CCDC177: variants seen among roughly 807,000 people sequenced by gnomAD.
The protein encoded by CCDC177 is coiled-coil domain containing 177.
Under a neutral mutation model 7.3 loss-of-function variants are expected in CCDC177, and 2 were observed. The ratio of observed to expected loss-of-function variants is 0.28; its 90% CI spans 0.11 to 0.87. The LOEUF (loss-of-function observed/expected upper bound fraction) is 0.87, where lower values mean the gene tolerates loss of function less well. Among genes scored for constraint, CCDC177 ranks in the 40% least tolerant of loss-of-function variants. The pLI is 0.61. For missense variants in CCDC177, 874 were observed against 970.5 expected (o/e 0.90, Z 1.32); for synonymous variants, 401 against 449.2 (o/e 0.89, Z 1.36).
At position 69,573,605 on chromosome 14, in the gene CCDC177, AGGCACT is replaced by A. The variant is rs1241113897; in HGVS notation, c.12_17del (p.Val5_Pro6del). 12 of 1,231,774 alleles carry A rather than the reference AGGCACT, an allele frequency of 9.7e-6. No individual in the cohort carries two copies. The highest frequency in any genetic ancestry group is 4.1e-5 in the South Asian group (1 of 24,312). The allele number at this position is 1,231,774 out of a possible 1,614,324, so 76.3% of individuals were successfully genotyped here. On this transcript the variant is annotated inframe_deletion, in exon 2 of 2. Transcript: ENST00000599174. ...GTTCCGCTCCTGCCTTCTCTTCTTCAGGCACTGGGTCCACCATGGCTGAGCCCCGTC... is the reference window on the plus strand; with the variant it reads ...GTTCCGCTCCTGCCTTCTCTTCTTCAGGGTCCACCATGGCTGAGCCCCGTC...
At position 69,573,374 on chromosome 14, in the gene CCDC177, C is replaced by G. The variant is rs1453607694; in HGVS notation, c.249G>C (p.Glu83Asp). The change falls in exon 2 of 2, where the codon GAG becomes GAC. Residue 83 changes from glutamate (E) to aspartate (D), a missense_variant. Physicochemically the swap from Glu to Asp is conservative, Grantham distance 45. Transcript: ENST00000599174. ...TCAGCACGTAGCGGCTGCCCTCCGC[C>G]TCTGGGCAGTCGAAGTTGAAGAGGT... ...HLDLFNFDCPEAEGSRYVLTS... is the reference protein window; with the variant it reads ...HLDLFNFDCPDAEGSRYVLTS... The G allele has an allele frequency of 2.0e-5, 25 of 1,231,278 alleles. No individual in the cohort carries two copies. The highest frequency in any genetic ancestry group is 1.3e-4 in the Admixed American group (3 of 23,694). 76.3% of individuals were successfully genotyped at this position (1,231,278 alleles called of 1,614,324 possible). A position where few individuals can be genotyped will look rare whatever the true frequency, so the allele number is the denominator to read the frequency against.
intron 1 of CCDC177, 89 bp from the exon 2 acceptor site, chr14:69,573,739 GCTTT>G: frequency 2.6e-6 from 3 of 1,135,400 alleles, no homozygotes; most frequent in Non-Finnish European, 3.3e-6. Flanking sequence ...AACTTAATCC[GCTTT>G]CGGATTAGGC....
In CCDC177 at chr14:69,572,446, G is replaced by A. The variant is rs1332448329; in HGVS notation, c.1177C>T (p.Arg393Ter). The A allele has an allele frequency of 5.7e-6, 7 of 1,229,200 alleles. No homozygotes were observed. Among genetic ancestry groups the A allele is most frequent in the Non-Finnish European group, 7.1e-6 (7 of 986,386 alleles). 76.1% of individuals were successfully genotyped at this position (1,229,200 alleles called of 1,614,324 possible). A position where few individuals can be genotyped will look rare whatever the true frequency, so the allele number is the denominator to read the frequency against. ...EKQRALEQGR[R>*]AWAAQVEERR... is the part of the protein sequence containing the mutation. ...TCCTCCACCTGCGCGGCCCAGGCTC[G>A]GCGGCCCTGCTCTAGGGCGCGCTGC... The change falls in exon 2 of 2, where the codon CGA becomes TGA. Residue 393 changes from arginine (R) to a stop codon, truncating the protein, a stop_gained. Coordinates refer to ENST00000599174, the MANE Select transcript of CCDC177 (RefSeq NM_001271507.2). LOFTEE classifies it low-confidence loss of function (END_TRUNC).
In CCDC177 at chr14:69,573,584, C is replaced by G; in HGVS notation, c.39G>C (p.Ala13=). The change falls in exon 2 of 2, where the codon GCG becomes GCC. Residue 13 remains alanine, a synonymous_variant. Transcript: ENST00000599174. The part of the protein sequence containing the change: ...DPVPEEEKAG[A]EPGDSGGDEA... ...CGTCCCCTCCAGAGTCGCCGGGTTC[C>G]GCTCCTGCCTTCTCTTCTTCAGGCA... 8.1e-7 allele frequency: 1 copy of G among 1,231,836 alleles called. No homozygotes were observed. The highest frequency in any genetic ancestry group is 1.0e-6 in the Non-Finnish European group (1 of 988,026). 76.3% of individuals were successfully genotyped at this position (1,231,836 alleles called of 1,614,324 possible).
Position 69,572,812 on chromosome 14 carries a change from C to T in CCDC177, c.811G>A (p.Ala271Thr). Reference sequence around the variant, plus strand: ...GACCCCGCTGGGCAGCTGTTCCTGGCCGAGGCCCGAGGCGGCCAGCGCAGC... The same window carrying T: ...GACCCCGCTGGGCAGCTGTTCCTGGTCGAGGCCCGAGGCGGCCAGCGCAGC... The part of the protein sequence containing the change: ...RELRWPPRAS[A>T]RNSCPAGSAS... Residue 271 changes from alanine (A) to threonine (T), a missense_variant, in exon 2 of 2, where the codon GCC (alanine) becomes ACC (threonine). Physicochemically the swap from Ala to Thr is moderately conservative, Grantham distance 58. Transcript: ENST00000599174. 1 of 1,231,220 alleles carries T rather than the reference C, an allele frequency of 8.1e-7. No homozygotes were observed. Among genetic ancestry groups the T allele is most frequent in the Non-Finnish European group, 1.0e-6 (1 of 987,684 alleles). 76.3% of individuals were successfully genotyped at this position (1,231,220 alleles called of 1,614,324 possible).
chr14:69,571,403 C>T lies in CCDC177; in HGVS notation c.*96G>A, dbSNP rs1025555233. 4 of 875,342 alleles carry T rather than the reference C, an allele frequency of 4.6e-6. No individual in the cohort carries two copies. The highest frequency in any genetic ancestry group is 6.2e-6 in the Non-Finnish European group (4 of 645,298). The allele number at this position is 875,342 out of a possible 1,614,324, so 54.2% of individuals were successfully genotyped here. Reference sequence around the variant, plus strand: ...TTGGTCAGAAGCCTCGAGAGGCCACCGCGCTGCGCACCGAGCGGGGACTCC... The same window carrying T: ...TTGGTCAGAAGCCTCGAGAGGCCACTGCGCTGCGCACCGAGCGGGGACTCC... On this transcript the variant is annotated 3_prime_UTR_variant, in exon 2 of 2. Transcript: ENST00000599174.
Position 69,571,707 on chromosome 14 carries a change from C to T in CCDC177, c.1916G>A (p.Arg639His). Reference protein sequence around the residue: ...KEKVERDEDCRRRELLQAIGR... With the variant: ...KEKVERDEDCHRRELLQAIGR... ...GATGGCCTGGAGTAGCTCTCGCCGGCGGCAGTCTTCGTCCCTCTCCACCTT... is the reference window on the plus strand; with the variant it reads ...GATGGCCTGGAGTAGCTCTCGCCGGTGGCAGTCTTCGTCCCTCTCCACCTT... Residue 639 changes from arginine to histidine, a missense_variant, in exon 2 of 2, where the codon CGC (arginine) becomes CAC (histidine). Coordinates refer to ENST00000599174, the MANE Select transcript of CCDC177 (RefSeq NM_001271507.2). The T allele has an allele frequency of 2.4e-6, 3 of 1,231,778 alleles. No homozygotes were observed. Among genetic ancestry groups the T allele is most frequent in the South Asian group, 8.2e-5 (2 of 24,324 alleles). The allele number at this position is 1,231,778 out of a possible 1,614,324, so 76.3% of individuals were successfully genotyped here. A position where few individuals can be genotyped will look rare whatever the true frequency, so the allele number is the denominator to read the frequency against.
chr14:69,572,923 C>T lies in CCDC177; in HGVS notation c.700G>A (p.Asp234Asn). 1 of 1,231,424 alleles carries T rather than the reference C, an allele frequency of 8.1e-7. No individual in the cohort carries two copies. Among genetic ancestry groups the T allele is most frequent in the African/African-American group, 1.5e-5 (1 of 64,528 alleles). 76.3% of individuals were successfully genotyped at this position (1,231,424 alleles called of 1,614,324 possible). ...CCCTCACGCCGGCGGGACAGTGAGTCCAGCGAATGGCTCTTCCTGCCTGTT... is the reference window on the plus strand; with the variant it reads ...CCCTCACGCCGGCGGGACAGTGAGTTCAGCGAATGGCTCTTCCTGCCTGTT... ...SRTGRKSHSL[D>N]SLSRRREGAL... The change falls in exon 2 of 2, where the codon GAC becomes AAC. Residue 234 changes from aspartate (D) to asparagine (N), a missense_variant. Physicochemically the swap from Asp to Asn is conservative, Grantham distance 23. Coordinates refer to ENST00000599174, the MANE Select transcript of CCDC177 (RefSeq NM_001271507.2).
In CCDC177 at chr14:69,573,416, G is replaced by T; in HGVS notation, c.207C>A (p.Ser69=). Residue 69 remains serine (S), a synonymous_variant, in exon 2 of 2, where the codon TCC becomes TCA. Coordinates refer to ENST00000599174, the MANE Select transcript of CCDC177 (RefSeq NM_001271507.2). ...AAAEGGRREQ[S]PLLHLDLFNF... The stretch of plus-strand genomic sequence containing the variant: ...TGAAGAGGTCGAGGTGCAGCAGCGG[G>T]GACTGCTCCCGCCGCCCGCCTTCTG... 8.1e-7 allele frequency: 1 copy of T among 1,231,420 alleles called. No homozygotes were observed. Among genetic ancestry groups the T allele is most frequent in the Non-Finnish European group, 1.0e-6 (1 of 987,786 alleles). The allele number at this position is 1,231,420 out of a possible 1,614,324, so 76.3% of individuals were successfully genotyped here. A position where few individuals can be genotyped will look rare whatever the true frequency, so the allele number is the denominator to read the frequency against.
rs956731332 is a variant in CCDC177 at position 69,572,728 on chromosome 14, T to C, written c.895A>G (p.Thr299Ala). Reference sequence around the variant, plus strand: ...TCGCCGAGGCTGAAGCTGCGGCCGGTGATCGGAACCAGGGTCAGGGCAGAC... The same window carrying C: ...TCGCCGAGGCTGAAGCTGCGGCCGGCGATCGGAACCAGGGTCAGGGCAGAC... ...RPSALTLVPI[T>A]GRSFSLGDLS... Residue 299 changes from threonine to alanine, a missense_variant, in exon 2 of 2, where the codon ACC (threonine) becomes GCC (alanine). Transcript: ENST00000599174. 3.2e-6 allele frequency: 4 copies of C among 1,231,336 alleles called. No homozygotes were observed. The highest frequency in any genetic ancestry group is 3.1e-5 in the African/African-American group (2 of 64,384). The allele number at this position is 1,231,336 out of a possible 1,614,324, so 76.3% of individuals were successfully genotyped here.
Position 69,572,316 on chromosome 14 carries a change from C to T in CCDC177, c.1307G>A (p.Gly436Asp). Residue 436 changes from glycine (G) to aspartate (D), a missense_variant, in exon 2 of 2, where the codon GGC becomes GAC. By Grantham distance (94) the Gly-to-Asp change is moderately conservative. Transcript: ENST00000599174. ...CTCCGCCCGCTCCCGCCGCAGGAGG[C>T]CCTGGCGTTCGGCCAGCTCCCGCCG... is the stretch of plus-strand genomic sequence containing the variant. Reference protein sequence around the residue: ...ERRRELAERQGLLRRERAERA... With the variant: ...ERRRELAERQDLLRRERAERA... 8.1e-7 allele frequency: 1 copy of T among 1,227,216 alleles called. No homozygotes were observed. Among genetic ancestry groups the T allele is most frequent in the Non-Finnish European group, 1.0e-6 (1 of 985,190 alleles). 76.0% of individuals were successfully genotyped at this position (1,227,216 alleles called of 1,614,324 possible).
chr14:69,571,361 G>C lies in CCDC177; in HGVS notation c.*138C>G, dbSNP rs574256797. 3.7e-4 allele frequency: 211 copies of C among 570,682 alleles called. No homozygotes were observed. Among genetic ancestry groups the C allele is most frequent in the African/African-American group, 3.6e-3 (197 of 54,280 alleles). 35.4% of individuals were successfully genotyped at this position (570,682 alleles called of 1,614,324 possible). A position where few individuals can be genotyped will look rare whatever the true frequency, so the allele number is the denominator to read the frequency against. On this transcript the variant is annotated 3_prime_UTR_variant, in exon 2 of 2. Coordinates refer to ENST00000599174, the MANE Select transcript of CCDC177 (RefSeq NM_001271507.2). The stretch of plus-strand genomic sequence containing the variant: ...GCCAGCTGACAGGTCCCAAACGTCT[G>C]TACTGTTGTTGCCTCATTGGTCAGA...
In CCDC177 at chr14:69,573,342, G is replaced by A. The variant is rs1884375045; in HGVS notation, c.281C>T (p.Pro94Leu). 1.6e-6 allele frequency: 2 copies of A among 1,231,282 alleles called. No individual in the cohort carries two copies. Among genetic ancestry groups the A allele is most frequent in the Non-Finnish European group, 2.0e-6 (2 of 987,706 alleles). The allele number at this position is 1,231,282 out of a possible 1,614,324, so 76.3% of individuals were successfully genotyped here. Reference sequence around the variant, plus strand: ...GCGGGCGCAGGCCTCTAGCGAGCGGGGGCTGGTCAGCACGTAGCGGCTGCC... The same window carrying A: ...GCGGGCGCAGGCCTCTAGCGAGCGGAGGCTGGTCAGCACGTAGCGGCTGCC... ...AEGSRYVLTS[P>L]RSLEACARCA... The change falls in exon 2 of 2, where the codon CCC becomes CTC. Residue 94 changes from proline to leucine, a missense_variant. Pro to Leu is a moderately conservative substitution (Grantham distance 98, BLOSUM62 -3). Transcript: ENST00000599174.
Position 69,572,626 on chromosome 14 carries a change from C to T in CCDC177, c.997G>A (p.Gly333Arg), listed in dbSNP as rs186090620. ...ATCTTCCGGTCACGCTCCGGCACCC[C>T]GCGCAGGCCGCGCTCTGCACGCACT... ...RQVRAERGLR[G>R]VPERDRKIAA... The change falls in exon 2 of 2, where the codon GGG becomes AGG. Residue 333 changes from glycine to arginine, a missense_variant. Coordinates refer to ENST00000599174, the MANE Select transcript of CCDC177 (RefSeq NM_001271507.2). 8.0e-5 allele frequency: 99 copies of T among 1,231,242 alleles called. No homozygotes were observed. Among genetic ancestry groups the T allele is most frequent in the Middle Eastern group, 3.1e-4 (1 of 3,206 alleles). The allele number at this position is 1,231,242 out of a possible 1,614,324, so 76.3% of individuals were successfully genotyped here. A position where few individuals can be genotyped will look rare whatever the true frequency, so the allele number is the denominator to read the frequency against.
Position 69,573,454 on chromosome 14 carries a change from G to T in CCDC177, c.169C>A (p.Pro57Thr). The change falls in exon 2 of 2, where the codon CCA becomes ACA. Residue 57 changes from proline (P) to threonine (T), a missense_variant. Physicochemically the swap from Pro to Thr is conservative, Grantham distance 38. Coordinates refer to ENST00000599174, the MANE Select transcript of CCDC177 (RefSeq NM_001271507.2). ...CGCCCGCCTTCTGCGGCTGCACATG[G>T]GACTTCTGCCTTGCGGGGCACCGCC... The part of the protein sequence containing the change: ...SAAVPRKAEV[P>T]CAAAEGGRRE... 2 of 1,231,336 alleles carry T rather than the reference G, an allele frequency of 1.6e-6. No homozygotes were observed. Among genetic ancestry groups the T allele is most frequent in the Non-Finnish European group, 2.0e-6 (2 of 987,780 alleles). 76.3% of individuals were successfully genotyped at this position (1,231,336 alleles called of 1,614,324 possible).
chr14:69,573,443 G>C lies in CCDC177; in HGVS notation c.180C>G (p.Ala60=), dbSNP rs1469490208. The C allele has an allele frequency of 2.4e-5, 30 of 1,231,382 alleles. No individual in the cohort carries two copies. The highest frequency in any genetic ancestry group is 2.9e-5 in the Non-Finnish European group (29 of 987,818). 76.3% of individuals were successfully genotyped at this position (1,231,382 alleles called of 1,614,324 possible). A position where few individuals can be genotyped will look rare whatever the true frequency, so the allele number is the denominator to read the frequency against. Residue 60 remains alanine (A), a synonymous_variant, in exon 2 of 2, where the codon GCC becomes GCG. Coordinates refer to ENST00000599174, the MANE Select transcript of CCDC177 (RefSeq NM_001271507.2). ...ACTGCTCCCGCCGCCCGCCTTCTGCGGCTGCACATGGGACTTCTGCCTTGC... is the reference window on the plus strand; with the variant it reads ...ACTGCTCCCGCCGCCCGCCTTCTGCCGCTGCACATGGGACTTCTGCCTTGC... ...VPRKAEVPCA[A]AEGGRREQSP... is the part of the protein sequence containing the mutation.
rs766909610 is a variant in CCDC177, at chr14:69,572,636, G to A, written c.987C>T (p.Arg329=). 82 of 1,231,166 alleles carry A rather than the reference G, an allele frequency of 6.7e-5. No homozygotes were observed. The highest frequency in any genetic ancestry group is 7.6e-5 in the Non-Finnish European group (75 of 987,626). 76.3% of individuals were successfully genotyped at this position (1,231,166 alleles called of 1,614,324 possible). Residue 329 remains arginine, a synonymous_variant, in exon 2 of 2, where the codon CGC becomes CGT. Coordinates refer to ENST00000599174, the MANE Select transcript of CCDC177 (RefSeq NM_001271507.2). Reference sequence around the variant, plus strand: ...CACGCTCCGGCACCCCGCGCAGGCCGCGCTCTGCACGCACTTGACGCACGA... The same window carrying A: ...CACGCTCCGGCACCCCGCGCAGGCCACGCTCTGCACGCACTTGACGCACGA... ...ERIVRQVRAE[R]GLRGVPERDR... is the part of the protein sequence containing the mutation.
Position 69,572,597 on chromosome 14 carries a change from C to T in CCDC177, c.1026G>A (p.Ala342=). 8.1e-7 allele frequency: 1 copy of T among 1,231,246 alleles called. No individual in the cohort carries two copies. Among genetic ancestry groups the T allele is most frequent in the Non-Finnish European group, 1.0e-6 (1 of 987,598 alleles). 76.3% of individuals were successfully genotyped at this position (1,231,246 alleles called of 1,614,324 possible). ...RGVPERDRKI[A]ALMLARHQEE... ...CCTGGTGCCGCGCCAGCATGAGCGC[C>T]GCGATCTTCCGGTCACGCTCCGGCA... Residue 342 remains alanine (A), a synonymous_variant, in exon 2 of 2, where the codon GCG becomes GCA. Coordinates refer to ENST00000599174, the MANE Select transcript of CCDC177 (RefSeq NM_001271507.2).
rs1884373840 is a variant in CCDC177, at chr14:69,573,264, C to T, written c.359G>A (p.Arg120Gln). Residue 120 changes from arginine (R) to glutamine (Q), a missense_variant, in exon 2 of 2, where the codon CGA (arginine) becomes CAA (glutamine). Coordinates refer to ENST00000599174, the MANE Select transcript of CCDC177 (RefSeq NM_001271507.2). ...LLPRALADLV[R>Q]EAPGRSMRVA... ...CCGCATGGAGCGGCCCGGAGCCTCT[C>T]GCACCAGGTCGGCCAGGGCCCGTGG... is the stretch of plus-strand genomic sequence containing the variant. 8.1e-7 allele frequency: 1 copy of T among 1,231,380 alleles called. No individual in the cohort carries two copies. Among genetic ancestry groups the T allele is most frequent in the Non-Finnish European group, 1.0e-6 (1 of 987,704 alleles). The allele number at this position is 1,231,380 out of a possible 1,614,324, so 76.3% of individuals were successfully genotyped here. A position where few individuals can be genotyped will look rare whatever the true frequency, so the allele number is the denominator to read the frequency against.
Sources: gnomAD v4.1 joint callset for allele counts on GRCh38, gnomAD v4.1.1 for gene constraint, MANE v1.5 for transcripts, NCBI Gene and HGNC (gene_info 2026-07-23, HGNC 2026-07-21) for gene names.